ERBB4: variants seen among roughly 807,000 people sequenced by gnomAD.
ERBB4 encodes the protein receptor tyrosine-protein kinase erbB-4.
A neutral mutation model predicts 158.0 loss-of-function variants in ERBB4; 42 were observed. That is an observed-to-expected ratio of 0.27 (90% confidence interval 0.21 to 0.34). ERBB4 has a LOEUF of 0.34. Ranked by LOEUF, ERBB4 falls within the 10% of genes least tolerant of loss-of-function variation. The pLI is 1.00. For synonymous variants in ERBB4, 583 were observed against 558.7 expected (o/e 1.04, Z -0.61); for missense variants, 1,333 against 1,624.1 (o/e 0.82, Z 3.08).
At chr2:212,493,486 C>G (rs1690395033) in intron 1 of ERBB4, among the ~76,000 whole-genome samples, 1 of 151,452 alleles carries the variant, frequency 6.6e-6, no homozygotes, top group Non-Finnish European at 1.5e-5. Context: ...AGCTTCATTA[C>G]TCTGCAAATA....
At position 211,574,907 on chromosome 2, in the gene ERBB4, T is replaced by A. The variant is rs182864139; in HGVS notation, c.2302-12819A>T. ...ATTAAAGAATTCTACCAGAGCTTAATAATGACTGCTACTTCTTGTTGAATT... is the reference window on the plus strand; with the variant it reads ...ATTAAAGAATTCTACCAGAGCTTAAAAATGACTGCTACTTCTTGTTGAATT... On this transcript the variant is annotated intron_variant, in intron 19 of 27. Transcript: ENST00000342788. 3.1e-3 allele frequency among the ~76,000 whole-genome samples: 474 copies of A among 152,348 alleles called. 8 individuals carry two copies. Among genetic ancestry groups the A allele is most frequent in the Admixed American group, 0.02 (304 of 15,298 alleles).
intron 19 of ERBB4, among the ~76,000 whole-genome samples, chr2:211,601,753 C>A: frequency 6.7e-6 from 1 of 149,042 alleles, no homozygotes; most frequent in Non-Finnish European, 1.5e-5. Context: ...TTGAATGTGT[C>A]AATTCTGAAA....
intron 1 of ERBB4, among the ~76,000 whole-genome samples, chr2:212,305,306 C>T (rs1461801144): frequency 6.6e-6 from 1 of 151,320 alleles, no homozygotes; most frequent in African/African-American, 2.4e-5. Flanking sequence ...TGAGGACGTA[C>T]TCTAAACAAG....
intron 20 of ERBB4, among the ~76,000 whole-genome samples, chr2:211,548,476 T>C (rs1178546560): frequency 1.3e-5 from 2 of 152,068 alleles, no homozygotes; most frequent in Non-Finnish European, 2.9e-5. Flanking sequence ...ACAAGAGGTA[T>C]ACGACCTCAT....
intron 1 of ERBB4, among the ~76,000 whole-genome samples, chr2:212,134,571 TA>T (rs1184607165): frequency 2.0e-5 from 3 of 151,576 alleles, no homozygotes; most frequent in African/African-American, 2.4e-5. Flanking sequence ...GGTATCCTTT[TA>T]AAAAAAATCC....
intron 1 of ERBB4, among the ~76,000 whole-genome samples, chr2:212,292,792 G>A (rs572518978): frequency 6.6e-6 from 1 of 152,022 alleles, no homozygotes; most frequent in Non-Finnish European, 1.5e-5. Context: ...GCGTGAAATT[G>A]AAAGATAAAC....
At chr2:212,191,718 CATATAACACGTGTTATACATGTT>C in intron 1 of ERBB4, among the ~76,000 whole-genome samples, 1 of 146,334 alleles carries the variant, frequency 6.8e-6, no homozygotes, top group Non-Finnish European at 1.5e-5. Flanking sequence ...ATACATGTTA[CATATAACACGTGTTATACATGTT>C]ACATATAACA....
Position 212,323,265 on chromosome 2 carries a change from C to A in ERBB4, c.83-198362G>T, listed in dbSNP as rs189784873. ...ACTCATTTAATAATTTTTAATCAGG[C>A]CTTTATTTTCTCCAAATTAGCCATC... On this transcript the variant is annotated intron_variant, in intron 1 of 27. Transcript: ENST00000342788. Among the ~76,000 whole-genome samples, 3 of 150,520 alleles carry A rather than the reference C, an allele frequency of 2.0e-5. No individual in the cohort carries two copies. In the East Asian group the frequency reaches 5.9e-4, roughly 29 times the overall value.
rs71057412 is a variant in ERBB4 at position 212,446,591 on chromosome 2, GTATATATATATATATATATATATATA to G, written c.82+91832_82+91857del. 4.7e-4 allele frequency among the ~76,000 whole-genome samples: 13 copies of G among 27,516 alleles called. 1 individual carries two copies. The highest frequency in any genetic ancestry group is 4.5e-3 in the East Asian group (4 of 880). 18.1% of individuals were successfully genotyped at this position (27,516 alleles called of 152,430 possible). ...TTAATAAACTCCCATATATATATAT[GTATATATATATATATATATATATATA>G]TATATATATATATATATATATCCTA... On this transcript the variant is annotated intron_variant, in intron 1 of 27. Coordinates refer to ENST00000342788, the MANE Select transcript of ERBB4 (RefSeq NM_005235.3).
At chr2:212,047,249 T>C (rs1167314360) in intron 2 of ERBB4, among the ~76,000 whole-genome samples, 1 of 152,196 alleles carries the variant, frequency 6.6e-6, no homozygotes, top group Non-Finnish European at 1.5e-5. Context: ...CAAATATACA[T>C]GAATTTGAAT....
At position 211,380,151 on chromosome 2, in the gene ERBB4, T is replaced by A. The variant is rs1354099026; in HGVS notation, c.*3464A>T. On this transcript the variant is annotated 3_prime_UTR_variant, in exon 28 of 28. Coordinates refer to ENST00000342788, the MANE Select transcript of ERBB4 (RefSeq NM_005235.3). ...AGAAATTTGAGTTTTGCGTTGTTTT[T>A]CATGCTATTTTAAGAATGTTACTGG... 4.3e-6 allele frequency: 1 copy of A among 232,058 alleles called. No homozygotes were observed. Among genetic ancestry groups the A allele is most frequent in the African/African-American group, 2.2e-5 (1 of 45,292 alleles). 14.4% of individuals were successfully genotyped at this position (232,058 alleles called of 1,614,324 possible).
chr2:211,403,025 G>A (rs2063077097), intron 25 of ERBB4, among the ~76,000 whole-genome samples: 1 of 151,994 alleles, frequency 6.6e-6, no homozygotes, highest in Non-Finnish European at 1.5e-5. Context: ...AGATTCACAT[G>A]ATTTGGGGGT....
At chr2:212,080,858 A>T (rs1451389793) in intron 2 of ERBB4, among the ~76,000 whole-genome samples, 4 of 152,148 alleles carry the variant, frequency 2.6e-5, no homozygotes, top group Non-Finnish European at 5.9e-5. Context: ...TATGGAAAAC[A>T]TCTCATCCAG....
chr2:211,874,149 A>G (rs1201441621), intron 3 of ERBB4, among the ~76,000 whole-genome samples: 1 of 152,132 alleles, frequency 6.6e-6, no homozygotes, highest in Non-Finnish European at 1.5e-5. Context: ...AAAAAAAGCA[A>G]ACAAACAAAA....
chr2:211,858,068 T>C (rs2077916710), intron 3 of ERBB4, among the ~76,000 whole-genome samples: 1 of 152,190 alleles, frequency 6.6e-6, no homozygotes, highest in South Asian at 2.1e-4. Flanking sequence ...ATTTATTTAC[T>C]CATAGACAAA....
intron 1 of ERBB4, among the ~76,000 whole-genome samples, chr2:212,228,307 AC>A (rs2083544391): frequency 6.6e-6 from 1 of 152,160 alleles, no homozygotes; most frequent in Non-Finnish European, 1.5e-5. Flanking sequence ...AGGTTTTCAA[AC>A]CCCAAACCTG....
At chr2:211,659,395 T>C (rs965993970) in intron 15 of ERBB4, among the ~76,000 whole-genome samples, 1 of 152,058 alleles carries the variant, frequency 6.6e-6, no homozygotes, top group Non-Finnish European at 1.5e-5. Context: ...TCAAAATCAT[T>C]TCTAAAAATG....
chr2:211,918,566 T>G (rs1263038614), intron 3 of ERBB4, among the ~76,000 whole-genome samples: 1 of 152,148 alleles, frequency 6.6e-6, no homozygotes, highest in Non-Finnish European at 1.5e-5. Flanking sequence ...GTTGGTAGGA[T>G]GTAATACCAC....
At chr2:212,230,970 C>G (rs1196276321) in intron 1 of ERBB4, among the ~76,000 whole-genome samples, 1 of 152,106 alleles carries the variant, frequency 6.6e-6, no homozygotes, top group South Asian at 2.1e-4. Context: ...AAAAACTTTG[C>G]AAAATACTGT....
Sources: allele counts gnomAD v4.1 joint callset (sites outside exome capture counted in the v4.1 genomes callset), GRCh38; gene constraint gnomAD v4.1.1; transcripts MANE v1.5; gene names NCBI Gene and HGNC (gene_info 2026-07-23, HGNC 2026-07-21).